Variants in COL24A1 observed in about 807,000 individuals in gnomAD.
COL24A1 encodes collagen alpha-1(XXIV) chain.
COL24A1 carries 224 observed loss-of-function variants against 253.9 expected under a neutral mutation model. The ratio of observed to expected loss-of-function variants is 0.88; its 90% CI spans 0.79 to 0.99. The LOEUF (loss-of-function observed/expected upper bound fraction) is 0.99. COL24A1 is among the 50% of genes least tolerant of loss of function. COL24A1 has a pLI of 0.00. For missense variants in COL24A1, 2,131 were observed against 2,068.5 expected (o/e 1.03, Z -0.59); for synonymous variants, 685 against 673.7 (o/e 1.02, Z -0.26).
intron 53 of COL24A1, among the ~76,000 whole-genome samples, chr1:85,762,320 T>C (rs920922718): frequency 6.6e-6 from 1 of 152,204 alleles, no homozygotes; most frequent in Non-Finnish European, 1.5e-5. Context: ...GTATTAAGCA[T>C]CTTGTATTGC....
chr1:85,847,703 T>C lies in COL24A1; in HGVS notation c.3424A>G (p.Ser1142Gly). The part of the protein sequence containing the change: ...SRGPPGKIGK[S>G]GPKGARGTRG... ...GTTCCTCTGGCACCCTTAGGACCAC[T>C]TTTCCCAATTTTTCCAGGAGGACCT... Residue 1142 changes from serine to glycine, a missense_variant, in exon 39 of 60, where the codon AGT becomes GGT. Transcript: ENST00000370571. 6.2e-7 allele frequency: 1 copy of C among 1,613,648 alleles called. No individual in the cohort carries two copies. The highest frequency in any genetic ancestry group is 8.5e-7 in the Non-Finnish European group (1 of 1,179,718).
intron 7 of COL24A1, among the ~76,000 whole-genome samples, chr1:86,067,891 CA>C (rs1407998543): frequency 1.3e-5 from 2 of 152,060 alleles, no homozygotes; most frequent in East Asian, 3.9e-4. Context: ...GGAAGAATAA[CA>C]AAAAAGTTTC....
rs1265066901 is a variant in COL24A1 at position 85,902,139 on chromosome 1, G to A, written c.2778+5055C>T. Among the ~76,000 whole-genome samples, 8 of 152,156 alleles carry A rather than the reference G, an allele frequency of 5.3e-5. No homozygotes were observed. The South Asian group carries it at 8.3e-4, about 16-fold the overall frequency. On this transcript the variant is annotated intron_variant, in intron 28 of 59. Transcript: ENST00000370571. ...ACATGTTCTCACTTGAAGGAATGAA[G>A]GACATACCATCCCAAAATATGTCAT...
At chr1:85,903,190 T>TA (rs1684493229) in intron 28 of COL24A1, among the ~76,000 whole-genome samples, 1 of 152,154 alleles carries the variant, frequency 6.6e-6, no homozygotes, top group Non-Finnish European at 1.5e-5. Context: ...ACATTTAGTT[T>TA]AAAAAACAAC....
intron 47 of COL24A1, 23 bp downstream of exon 47, chr1:85,816,765 A>G: frequency 1.3e-6 from 2 of 1,578,088 alleles, no homozygotes; most frequent in Non-Finnish European, 1.7e-6. Context: ...AATAATGAGC[A>G]AAGAGATATC....
chr1:86,099,743 G>T (rs1704281428), intron 5 of COL24A1, among the ~76,000 whole-genome samples: 1 of 151,976 alleles, frequency 6.6e-6, no homozygotes, highest in Admixed American at 6.6e-5. Flanking sequence ...ATCACAAATG[G>T]CATGGACTAG....
intron 43 of COL24A1, among the ~76,000 whole-genome samples, chr1:85,824,812 T>A (rs1357977313): frequency 6.6e-6 from 1 of 152,094 alleles, no homozygotes; most frequent in Non-Finnish European, 1.5e-5. Context: ...TTTTCATACG[T>A]TACAGAAAGA....
chr1:86,138,315 C>A (rs1024422194), intron 2 of COL24A1, among the ~76,000 whole-genome samples: 1 of 152,186 alleles, frequency 6.6e-6, no homozygotes, highest in East Asian at 1.9e-4. Context: ...TGAGAGTAGT[C>A]TTGGGGACCC....
chr1:86,000,061 C>G (rs530100661), intron 19 of COL24A1, among the ~76,000 whole-genome samples: 1 of 152,198 alleles, frequency 6.6e-6, no homozygotes, highest in Admixed American at 6.5e-5. Flanking sequence ...ATGCATTAAC[C>G]TAGGTCTCTA....
chr1:86,098,084 G>T (rs554648432), intron 5 of COL24A1, among the ~76,000 whole-genome samples: 79 of 152,166 alleles, frequency 5.2e-4, no homozygotes, highest in Non-Finnish European at 8.5e-4. Context: ...ACACTGGAGG[G>T]GATTCAACCC....
intron 7 of COL24A1, among the ~76,000 whole-genome samples, chr1:86,085,920 T>A (rs1255235548): frequency 6.6e-6 from 1 of 152,186 alleles, no homozygotes; most frequent in African/African-American, 2.4e-5. Flanking sequence ...CTGAAGAGAA[T>A]ACTGCTGCTA....
At chr1:85,732,576 G>A (rs1223925307) in intron 59 of COL24A1, among the ~76,000 whole-genome samples, 1 of 151,970 alleles carries the variant, frequency 6.6e-6, no homozygotes. Context: ...CTGTATGACT[G>A]CGATTATCTA....
At chr1:85,927,134 GA>G (rs1687359867) in intron 24 of COL24A1, among the ~76,000 whole-genome samples, 1 of 152,164 alleles carries the variant, frequency 6.6e-6, no homozygotes, top group Admixed American at 6.5e-5. Flanking sequence ...GAGCGACGCA[GA>G]AGACGGGTGA....
intron 57 of COL24A1, among the ~76,000 whole-genome samples, chr1:85,740,982 C>G (rs12041809): frequency 0.95 from 132,314 of 139,510 alleles, 62,811 homozygotes; most frequent in Non-Finnish European, 0.97. Flanking sequence ...AGCTGGGCAT[C>G]GTGGCTGGCG....
chr1:85,878,297 C>A (rs1320557233), intron 32 of COL24A1, among the ~76,000 whole-genome samples: 1 of 152,138 alleles, frequency 6.6e-6, no homozygotes, highest in Admixed American at 6.6e-5. Context: ...ATAGATGGTG[C>A]CTTCTAGTTG....
chr1:86,039,370 C>T (rs1699282386), intron 12 of COL24A1, among the ~76,000 whole-genome samples: 1 of 152,128 alleles, frequency 6.6e-6, no homozygotes, highest in Non-Finnish European at 1.5e-5. Flanking sequence ...AAACTTCTTG[C>T]TTAGCATGTC....
intron 31 of COL24A1, 126 bp from the exon 32 acceptor site, chr1:85,889,739 T>A: frequency 1.3e-6 from 1 of 780,824 alleles, no homozygotes; most frequent in South Asian, 1.6e-5. Flanking sequence ...TTCTTTTTTT[T>A]TTTTTGCTTT....
intron 52 of COL24A1, among the ~76,000 whole-genome samples, chr1:85,778,205 G>A (rs1668787095): frequency 6.6e-6 from 1 of 151,962 alleles, no homozygotes; most frequent in Non-Finnish European, 1.5e-5. Flanking sequence ...CTCAGATCAA[G>A]TGGTCTTCCC....
intron 43 of COL24A1, among the ~76,000 whole-genome samples, chr1:85,832,213 G>A (rs557555965): frequency 2.0e-5 from 3 of 152,104 alleles, no homozygotes; most frequent in South Asian, 2.1e-4. Context: ...TTTTTCTCAG[G>A]TTTGTCAAAG....
Sources: gnomAD v4.1 joint callset for allele counts (sites outside exome capture counted in the v4.1 genomes callset) on GRCh38, gnomAD v4.1.1 for gene constraint, MANE v1.5 for transcripts, NCBI Gene and HGNC (gene_info 2026-07-23, HGNC 2026-07-21) for gene names.